Variants in CYB561 observed in about 807,000 individuals in gnomAD.
The protein encoded by CYB561 is cytochrome b561.
A neutral mutation model predicts 25.3 loss-of-function variants in CYB561; 11 were observed. The ratio of observed to expected loss-of-function variants is 0.44; its 90% CI spans 0.27 to 0.72. CYB561 has a LOEUF of 0.72. Ranked by LOEUF, CYB561 falls within the 30% of genes least tolerant of loss-of-function variation. The pLI is 0.18. For synonymous variants in CYB561, 165 were observed against 158.8 expected (o/e 1.04, Z -0.29); for missense variants, 295 against 334.9 (o/e 0.88, Z 0.93).
chr17:63,438,130 C>G (rs770458504), intron 1 of CYB561: 4 of 1,535,042 alleles, frequency 2.6e-6, no homozygotes, highest in East Asian at 2.5e-5. Flanking sequence ...ACCTGGGACA[C>G]GACGCCAGGA....
chr17:63,446,045 G>A (rs1166106720), intron 1 of CYB561, 200 bp downstream of exon 1: 1 of 152,320 alleles, frequency 6.6e-6, no homozygotes, highest in East Asian at 1.9e-4. Context: ...GCTCCGAGAG[G>A]GCGGGCGAGC....
chr17:63,444,962 G>A (rs1203797407), intron 1 of CYB561, among the ~76,000 whole-genome samples: 1 of 152,186 alleles, frequency 6.6e-6, no homozygotes. Context: ...GATCACTTGA[G>A]GTTAGGAGTT....
chr17:63,437,724 G>T, intron 1 of CYB561, 164 bp from the exon 2 acceptor site: 2 of 490,580 alleles, frequency 4.1e-6, no homozygotes, highest in South Asian at 4.1e-5. Context: ...GGTCCCCCCA[G>T]ATATGCACAG....
In CYB561 at chr17:63,434,601, G is replaced by A. The variant is rs1468683372; in HGVS notation, c.564-7C>T. On this transcript the variant is annotated splice_region_variant and splice_polypyrimidine_tract_variant and intron_variant, in intron 5 of 5. Transcript: ENST00000360793. ...AAATGCGCTATACTTGCCCCTGCAG[G>A]GGTGAGAGGAAGGGAGAAGCTGCCC... The A allele has an allele frequency of 6.2e-7, 1 of 1,602,658 alleles. No homozygotes were observed. Among genetic ancestry groups the A allele is most frequent in the Non-Finnish European group, 8.5e-7 (1 of 1,176,164 alleles).
intron 2 of CYB561, 98 bp downstream of exon 2, chr17:63,437,248 C>G (rs1266482432): frequency 1.6e-5 from 15 of 919,046 alleles, no homozygotes; most frequent in African/African-American, 3.3e-5. Flanking sequence ...TTAGATTTGT[C>G]CAACCAGAAG....
intron 1 of CYB561, among the ~76,000 whole-genome samples, chr17:63,441,786 C>T (rs1390753818): frequency 6.6e-6 from 1 of 152,238 alleles, no homozygotes; most frequent in African/African-American, 2.4e-5. Flanking sequence ...TTGGAGCTCA[C>T]TGAGGAAGCT....
chr17:63,444,224 CG>C (rs1465776984), intron 1 of CYB561, among the ~76,000 whole-genome samples: 1 of 152,118 alleles, frequency 6.6e-6, no homozygotes, highest in South Asian at 2.1e-4. Context: ...TTATGGAAGA[CG>C]GGGCCCGTGA....
chr17:63,438,059 G>T (rs1280785489), intron 1 of CYB561: 1 of 1,521,480 alleles, frequency 6.6e-7, no homozygotes, highest in Non-Finnish European at 8.8e-7. Flanking sequence ...CTGAGGCAGA[G>T]GTCTCAAGTC....
rs552817345 is a variant in CYB561, at chr17:63,441,926, C to T, written c.-14+4319G>A. ...CAAGACAGCAGGCCCTGACCGAAGG[C>T]AAGAGGGAAGGGGTTACAGGAGGGC... On this transcript the variant is annotated intron_variant, in intron 1 of 5. Coordinates refer to ENST00000360793, the MANE Select transcript of CYB561 (RefSeq NM_001915.4). 2.0e-5 allele frequency among the ~76,000 whole-genome samples: 3 copies of T among 152,312 alleles called. No homozygotes were observed. The East Asian group carries it at 5.8e-4, about 29-fold the overall frequency.
chr17:63,435,028 G>A, intron 5 of CYB561, 58 bp downstream of exon 5: 1 of 1,523,636 alleles, frequency 6.6e-7, no homozygotes, highest in Non-Finnish European at 8.8e-7. Context: ...GCTGAAGGCA[G>A]GGTGAGGTCT....
chr17:63,434,712 G>T, intron 5 of CYB561, 118 bp from the exon 6 acceptor site: 1 of 883,624 alleles, frequency 1.1e-6, no homozygotes, highest in Non-Finnish European at 1.7e-6. Context: ...CTGCCTCCCT[G>T]CCCTGCCTGA....
rs2049244643 is a variant in CYB561, at chr17:63,432,912, G to A, written c.*1490C>T. 2 of 152,654 alleles carry A rather than the reference G, an allele frequency of 1.3e-5. No individual in the cohort carries two copies. Among genetic ancestry groups the A allele is most frequent in the African/African-American group, 4.8e-5 (2 of 41,450 alleles). The allele number at this position is 152,654 out of a possible 1,614,324, so 9.5% of individuals were successfully genotyped here. The stretch of plus-strand genomic sequence containing the variant: ...TACAAGAAGAAGAGTCGTCAGGTTT[G>A]GAAACTGTATATTAAGCCCTTCACT... On this transcript the variant is annotated 3_prime_UTR_variant, in exon 6 of 6. Transcript: ENST00000360793.
intron 5 of CYB561, 148 bp downstream of exon 5, chr17:63,434,938 C>T: frequency 2.3e-6 from 2 of 873,300 alleles, no homozygotes; most frequent in East Asian, 2.7e-5. Flanking sequence ...AAGCCCCAAG[C>T]ACCCAAATCT....
rs906465948 is a variant in CYB561, at chr17:63,433,273, G to A, written c.*1129C>T. 50 of 397,538 alleles carry A rather than the reference G, an allele frequency of 1.3e-4. 1 individual carries two copies. The South Asian group carries it at 5.1e-3, about 41-fold the overall frequency. The allele number at this position is 397,538 out of a possible 1,614,324, so 24.6% of individuals were successfully genotyped here. ...AGGATGGTCTTGATCTCCTGGCCTC[G>A]CACACGATCAGTGTTCTAATCACAC... On this transcript the variant is annotated 3_prime_UTR_variant, in exon 6 of 6. Coordinates refer to ENST00000360793, the MANE Select transcript of CYB561 (RefSeq NM_001915.4).
intron 1 of CYB561, among the ~76,000 whole-genome samples, chr17:63,444,340 C>T (rs2049403333): frequency 6.6e-6 from 1 of 152,232 alleles, no homozygotes; most frequent in Non-Finnish European, 1.5e-5. Flanking sequence ...CCTGGACAAG[C>T]CAAGTCCCTT....
At position 63,433,293 on chromosome 17, in the gene CYB561, T is replaced by C; in HGVS notation, c.*1109A>G. ...GCCTCGCACACGATCAGTGTTCTAA[T>C]CACACTATTTCCAGGCCGAAGCCAA... On this transcript the variant is annotated 3_prime_UTR_variant, in exon 6 of 6. Coordinates refer to ENST00000360793, the MANE Select transcript of CYB561 (RefSeq NM_001915.4). 2.5e-6 allele frequency: 1 copy of C among 397,712 alleles called. No individual in the cohort carries two copies. The highest frequency in any genetic ancestry group is 4.4e-6 in the Non-Finnish European group (1 of 226,056). 24.6% of individuals were successfully genotyped at this position (397,712 alleles called of 1,614,324 possible). A position where few individuals can be genotyped will look rare whatever the true frequency, so the allele number is the denominator to read the frequency against.
chr17:63,434,252 G>T lies in CYB561; in HGVS notation c.*150C>A. ...GGAGAAGCAGAGGAGGCGGAGACCT[G>T]ACCCCAGAAAGCAGCACTCAAACAG... On this transcript the variant is annotated 3_prime_UTR_variant, in exon 6 of 6. Transcript: ENST00000360793. 3.0e-6 allele frequency: 2 copies of T among 658,794 alleles called. No homozygotes were observed. The highest frequency in any genetic ancestry group is 3.9e-5 in the South Asian group (2 of 50,812). The allele number at this position is 658,794 out of a possible 1,614,324, so 40.8% of individuals were successfully genotyped here.
rs2049250130 is a variant in CYB561, at chr17:63,433,139, TCTC to T, written c.*1260_*1262del. On this transcript the variant is annotated 3_prime_UTR_variant, in exon 6 of 6. Transcript: ENST00000360793. The stretch of plus-strand genomic sequence containing the variant: ...GCGCCATCTCCCGGGTTCACACCAT[TCTC>T]CTGCCTCAGCCTCCCAAGTAGCTGG... The T allele has an allele frequency of 2.9e-6, 1 of 350,584 alleles. No homozygotes were observed. The highest frequency in any genetic ancestry group is 4.3e-5 in the East Asian group (1 of 23,298). 21.7% of individuals were successfully genotyped at this position (350,584 alleles called of 1,614,324 possible).
chr17:63,436,196 G>A lies in CYB561; in HGVS notation c.203-44C>T, dbSNP rs766436412. Reference sequence around the variant, plus strand: ...GGAACGTGAGTGCATCCGCCTGTGCGTGAGGCCTCCTGCCCCAGCAGCAAG... The same window carrying A: ...GGAACGTGAGTGCATCCGCCTGTGCATGAGGCCTCCTGCCCCAGCAGCAAG... On this transcript the variant is annotated intron_variant, in intron 2 of 5. Coordinates refer to ENST00000360793, the MANE Select transcript of CYB561 (RefSeq NM_001915.4). The surrounding 1 kb of genome is among the most constrained non-coding windows in gnomAD (Gnocchi z 4.8). The A allele has an allele frequency of 8.1e-6, 13 of 1,599,418 alleles. No individual in the cohort carries two copies. The highest frequency in any genetic ancestry group is 1.7e-4 in the Middle Eastern group (1 of 6,030).
Sources: gnomAD v4.1 joint callset for allele counts (sites outside exome capture counted in the v4.1 genomes callset) on GRCh38, gnomAD v4.1.1 for gene constraint, Gnocchi (gnomAD v3.1) non-coding constraint, MANE v1.5 for transcripts, NCBI Gene and HGNC (gene_info 2026-07-23, HGNC 2026-07-21) for gene names.